Variants in BMP3 observed in about 807,000 individuals in gnomAD.
The protein encoded by BMP3 is bone morphogenetic protein 3.
Under a neutral mutation model 38.1 loss-of-function variants are expected in BMP3, and 23 were observed. That is an observed-to-expected ratio of 0.60 (90% CI 0.43 to 0.86). BMP3 has a LOEUF of 0.86. Among genes scored for constraint, BMP3 ranks in the 40% least tolerant of loss-of-function variants. The probability of loss-of-function intolerance (pLI) is 0.00; values close to 1 mark genes in which losing one functional copy is unlikely to be tolerated. For missense variants in BMP3, 628 were observed against 579.6 expected, an observed-to-expected ratio of 1.08 and a Z score of -0.86; for synonymous variants, 258 against 225.7, an observed-to-expected ratio of 1.14 and a Z score of -1.28.
chr4:81,032,214 A>C (rs1008651288), intron 1 of BMP3, among the ~76,000 whole-genome samples: 4 of 141,244 alleles, frequency 2.8e-5, no homozygotes, highest in African/African-American at 1.1e-4. Context: ...AAAAAAAAAA[A>C]AAAAAACAGG....
At position 81,046,241 on chromosome 4, in the gene BMP3, G is replaced by A. The variant is rs776862828; in HGVS notation, c.820G>A (p.Asp274Asn). Residue 274 changes from aspartate (D) to asparagine (N), a missense_variant, in exon 2 of 3, where the codon GAT (aspartate) becomes AAT (asparagine). Asp to Asn is a conservative substitution (Grantham distance 23). Coordinates refer to ENST00000282701, the MANE Select transcript of BMP3 (RefSeq NM_001201.5). ...TCCCACTGGAACTGTTCCCAAATGG[G>A]ATAGCCACATCAGAGCTGCCCTTTC... ...NFPTGTVPKW[D>N]SHIRAALSIE... The A allele has an allele frequency of 5.6e-6, 9 of 1,614,076 alleles. No homozygotes were observed. Among genetic ancestry groups the A allele is most frequent in the Non-Finnish European group, 7.6e-6 (9 of 1,180,030 alleles).
intron 2 of BMP3, among the ~76,000 whole-genome samples, chr4:81,051,712 G>T (rs1740403244): frequency 6.6e-6 from 1 of 152,124 alleles, no homozygotes; most frequent in Non-Finnish European, 1.5e-5. Flanking sequence ...GTGATGCAGG[G>T]CATACAATGT....
chr4:81,042,658 G>T (rs1284053595), intron 1 of BMP3, among the ~76,000 whole-genome samples: 1 of 152,168 alleles, frequency 6.6e-6, no homozygotes, highest in Non-Finnish European at 1.5e-5. Flanking sequence ...TTTGAAAGAA[G>T]AAAATATTTT....
In BMP3 at chr4:81,045,979, T is replaced by C. The variant is rs368459474; in HGVS notation, c.558T>C (p.Asp186=). Residue 186 remains aspartate, a synonymous_variant, in exon 2 of 3, where the codon GAT becomes GAC. Coordinates refer to ENST00000282701, the MANE Select transcript of BMP3 (RefSeq NM_001201.5). ...AACTCCTTGGCCATCTGTCAGTGGA[T>C]ATGGCCAAATCTCATCGAGATATTA... ...QSQLLGHLSV[D]MAKSHRDIMS... The C allele has an allele frequency of 3.1e-5, 50 of 1,613,952 alleles. 1 individual carries two copies. The highest frequency in any genetic ancestry group is 3.9e-5 in the Non-Finnish European group (46 of 1,179,998).
chr4:81,037,196 G>T (rs34042179), intron 1 of BMP3, among the ~76,000 whole-genome samples: 1 of 151,954 alleles, frequency 6.6e-6, no homozygotes, highest in Admixed American at 6.5e-5. Context: ...ATATAAGGTT[G>T]TTTGTTCAGC....
chr4:81,044,096 T>C (rs1740165398), intron 1 of BMP3, among the ~76,000 whole-genome samples: 1 of 152,216 alleles, frequency 6.6e-6, no homozygotes, highest in African/African-American at 2.4e-5. Context: ...TGTATAATGT[T>C]GTGAAGTTGG....
At chr4:81,045,569 A>C (rs1740206740) in intron 1 of BMP3, among the ~76,000 whole-genome samples, 169 bp from the exon 2 acceptor site, 1 of 152,202 alleles carries the variant, frequency 6.6e-6, no homozygotes, top group African/African-American at 2.4e-5. Flanking sequence ...ATATCTAAGA[A>C]GTCATTGCCA....
At chr4:81,042,122 A>C (rs1740094839) in intron 1 of BMP3, among the ~76,000 whole-genome samples, 1 of 152,222 alleles carries the variant, frequency 6.6e-6, no homozygotes, top group Non-Finnish European at 1.5e-5. Flanking sequence ...TAATATATTT[A>C]ATGCAATATA....
At position 81,049,767 on chromosome 4, in the gene BMP3, C is replaced by T. The variant is rs530132054; in HGVS notation, c.1227+3119C>T. Among the ~76,000 whole-genome samples, 6 of 152,226 alleles carry T rather than the reference C, an allele frequency of 3.9e-5. No homozygotes were observed. In the East Asian group the frequency reaches 1.2e-3, roughly 29 times the overall value. ...TCTGCACCGTGTCCAATACTGCAAC[C>T]AGAGTGAACTTTGTAAATAAAAATA... On this transcript the variant is annotated intron_variant, in intron 2 of 2. Coordinates refer to ENST00000282701, the MANE Select transcript of BMP3 (RefSeq NM_001201.5).
In BMP3 at chr4:81,038,325, G is replaced by A. The variant is rs117685020; in HGVS notation, c.316+6725G>A. On this transcript the variant is annotated intron_variant, in intron 1 of 2. Transcript: ENST00000282701. ...ATAAATTTGCTAGAAGAAAAATATGGTATGAGCAGGGGCCTACAAAGCAAG... is the reference window on the plus strand; with the variant it reads ...ATAAATTTGCTAGAAGAAAAATATGATATGAGCAGGGGCCTACAAAGCAAG... Among the ~76,000 whole-genome samples, 11 of 152,240 alleles carry A rather than the reference G, an allele frequency of 7.2e-5. No individual in the cohort carries two copies. In the East Asian group the frequency reaches 1.9e-3, roughly 27 times the overall value.
chr4:81,052,130 C>A (rs1041940809), intron 2 of BMP3, among the ~76,000 whole-genome samples: 11 of 151,762 alleles, frequency 7.2e-5, no homozygotes, highest in Non-Finnish European at 5.9e-5. Context: ...AATTAAAATA[C>A]CAATCCACTG....
chr4:81,046,246 C>A lies in BMP3; in HGVS notation c.825C>A (p.Ser275Arg). The A allele has an allele frequency of 6.2e-7, 1 of 1,614,058 alleles. No homozygotes were observed. The highest frequency in any genetic ancestry group is 1.3e-5 in the African/African-American group (1 of 75,024). Residue 275 changes from serine (S) to arginine (R), a missense_variant, in exon 2 of 3, where the codon AGC (serine) becomes AGA (arginine). Ser to Arg is a moderately radical substitution (Grantham distance 110, BLOSUM62 -1). Transcript: ENST00000282701. The stretch of plus-strand genomic sequence containing the variant: ...CTGGAACTGTTCCCAAATGGGATAG[C>A]CACATCAGAGCTGCCCTTTCCATTG... ...FPTGTVPKWDSHIRAALSIER... is the reference protein window; with the variant it reads ...FPTGTVPKWDRHIRAALSIER...
chr4:81,045,705 C>G, intron 1 of BMP3, 33 bp from the exon 2 acceptor site: 1 of 1,489,044 alleles, frequency 6.7e-7, no homozygotes, highest in Non-Finnish European at 9.1e-7. Context: ...GTCTTGTTTT[C>G]TCCTGTTTAC....
intron 2 of BMP3, among the ~76,000 whole-genome samples, chr4:81,052,033 A>G (rs1284414227): frequency 2.0e-5 from 3 of 151,064 alleles, no homozygotes; most frequent in Admixed American, 6.6e-5. Flanking sequence ...CCTGCTTTCT[A>G]TATTATTGTC....
rs1256253985 is a variant in BMP3, at chr4:81,053,767, T to C, written c.*231T>C. 3 of 307,054 alleles carry C rather than the reference T, an allele frequency of 9.8e-6. No homozygotes were observed. Among genetic ancestry groups the C allele is most frequent in the African/African-American group, 4.3e-5 (2 of 46,274 alleles). The allele number at this position is 307,054 out of a possible 1,614,324, so 19.0% of individuals were successfully genotyped here. Reference sequence around the variant, plus strand: ...AAGATTTTTAGTAAATATGGACATCTATTTCTCTTTTTGTAATCAAACACA... The same window carrying C: ...AAGATTTTTAGTAAATATGGACATCCATTTCTCTTTTTGTAATCAAACACA... On this transcript the variant is annotated 3_prime_UTR_variant, in exon 3 of 3. Coordinates refer to ENST00000282701, the MANE Select transcript of BMP3 (RefSeq NM_001201.5).
intron 1 of BMP3, 96 bp downstream of exon 1, chr4:81,031,696 G>C: frequency 7.2e-7 from 1 of 1,380,580 alleles, no homozygotes; most frequent in Non-Finnish European, 9.6e-7. Context: ...GCTTGGTGGC[G>C]CTGCCTAGGG....
chr4:81,047,754 G>T (rs938730811), intron 2 of BMP3, among the ~76,000 whole-genome samples: 1 of 151,918 alleles, frequency 6.6e-6, no homozygotes, highest in African/African-American at 2.4e-5. Flanking sequence ...TATAATCATT[G>T]GGATGACAAG....
chr4:81,053,809 T>G lies in BMP3; in HGVS notation c.*273T>G, dbSNP rs1403119465. On this transcript the variant is annotated 3_prime_UTR_variant, in exon 3 of 3. Transcript: ENST00000282701. Reference sequence around the variant, plus strand: ...TCAAACACAACAACTTATCAAACTGTTTTTAGAACTGTTAGAGAACACACT... The same window carrying G: ...TCAAACACAACAACTTATCAAACTGGTTTTAGAACTGTTAGAGAACACACT... 1 of 223,558 alleles carries G rather than the reference T, an allele frequency of 4.5e-6. No homozygotes were observed. The highest frequency in any genetic ancestry group is 2.3e-5 in the African/African-American group (1 of 44,066). The allele number at this position is 223,558 out of a possible 1,614,324, so 13.8% of individuals were successfully genotyped here. A position where few individuals can be genotyped will look rare whatever the true frequency, so the allele number is the denominator to read the frequency against.
At chr4:81,034,340 G>T (rs894789085) in intron 1 of BMP3, among the ~76,000 whole-genome samples, 6 of 152,124 alleles carry the variant, frequency 3.9e-5, no homozygotes, top group Admixed American at 1.3e-4. Flanking sequence ...GACAGAGAAG[G>T]TCAGCTTCAT....
Sources: gnomAD v4.1 joint callset for allele counts (sites outside exome capture counted in the v4.1 genomes callset) on GRCh38, gnomAD v4.1.1 for gene constraint, MANE v1.5 for transcripts, NCBI Gene and HGNC (gene_info 2026-07-23, HGNC 2026-07-21) for gene names.